Variants in PTPRD observed in about 807,000 individuals in gnomAD.
The protein encoded by PTPRD is receptor-type tyrosine-protein phosphatase delta.
PTPRD carries 34 observed loss-of-function variants against 214.5 expected under a neutral mutation model. The ratio of observed to expected loss-of-function variants is 0.16; its 90% CI spans 0.12 to 0.21. The LOEUF is 0.21. Ranked by LOEUF, PTPRD falls within the 10% of genes least tolerant of loss-of-function variation. The pLI is 1.00. For synonymous variants in PTPRD, 1,128 were observed against 845.7 expected (o/e 1.33, Z -5.79); for missense variants, 2,545 against 2,398.7 (o/e 1.06, Z -1.27).
At chr9:10,476,667 G>C (rs1157265076) in intron 2 of PTPRD, among the ~76,000 whole-genome samples, 1 of 152,024 alleles carries the variant, frequency 6.6e-6, no homozygotes, top group Non-Finnish European at 1.5e-5. Context: ...CCAAAAAATA[G>C]CCCATATAGC....
Position 9,816,684 on chromosome 9 carries a change from G to A in PTPRD, c.-367-49833C>T, listed in dbSNP as rs2048881094. ...TGCGTATTCTGAAGCCTATAAACACGTAGCTTAAACTTTTCTGGGATGCCT... is the reference window on the plus strand; with the variant it reads ...TGCGTATTCTGAAGCCTATAAACACATAGCTTAAACTTTTCTGGGATGCCT... On this transcript the variant is annotated intron_variant, in intron 5 of 45. Transcript: ENST00000381196. Among the ~76,000 whole-genome samples, 3 of 151,954 alleles carry A rather than the reference G, an allele frequency of 2.0e-5. No individual in the cohort carries two copies. The South Asian group carries it at 6.2e-4, about 32-fold the overall frequency.
intron 2 of PTPRD, among the ~76,000 whole-genome samples, chr9:10,595,162 G>C (rs1666895406): frequency 6.6e-6 from 1 of 151,848 alleles, no homozygotes; most frequent in Non-Finnish European, 1.5e-5. Flanking sequence ...TCAAATCAAA[G>C]CATCCATTAA....
At chr9:10,550,075 G>A (rs1346863948) in intron 2 of PTPRD, among the ~76,000 whole-genome samples, 1 of 152,128 alleles carries the variant, frequency 6.6e-6, no homozygotes, top group African/African-American at 2.4e-5. Flanking sequence ...GTGCATCACA[G>A]ATGAAAGAAG....
intron 3 of PTPRD, among the ~76,000 whole-genome samples, chr9:10,279,933 C>T (rs1445757598): frequency 1.3e-5 from 2 of 152,156 alleles, no homozygotes; most frequent in East Asian, 1.9e-4. Flanking sequence ...ACCCTATTCA[C>T]AGTCCTCGTA....
At chr9:8,979,417 C>T (rs7037049) in intron 11 of PTPRD, among the ~76,000 whole-genome samples, 100,461 of 151,338 alleles carry the variant, frequency 0.66, 33,803 homozygotes, top group African/African-American at 0.77. Flanking sequence ...AGTTTCTTCA[C>T]AACAAAGAAA....
chr9:9,169,371 G>T (rs972615516), intron 10 of PTPRD, among the ~76,000 whole-genome samples: 2 of 152,006 alleles, frequency 1.3e-5, no homozygotes, highest in African/African-American at 4.8e-5. Context: ...CATTTTCAAA[G>T]ACCTTTTGAT....
chr9:9,329,100 C>A (rs769731525), intron 9 of PTPRD, among the ~76,000 whole-genome samples: 1 of 152,074 alleles, frequency 6.6e-6, no homozygotes, highest in Non-Finnish European at 1.5e-5. Flanking sequence ...CAGCTATCCT[C>A]TTCCCAAAAC....
chr9:9,530,479 C>T lies in PTPRD; in HGVS notation c.-237+44253G>A, dbSNP rs530929328. Among the ~76,000 whole-genome samples, 15 of 152,154 alleles carry T rather than the reference C, an allele frequency of 9.9e-5. No individual in the cohort carries two copies. In the South Asian group the frequency reaches 3.1e-3, roughly 32 times the overall value. Reference sequence around the variant, plus strand: ...AGAACAGACCAATAACAAGTAATGACATTGAATCAGTAATAAGAAGTCTCC... The same window carrying T: ...AGAACAGACCAATAACAAGTAATGATATTGAATCAGTAATAAGAAGTCTCC... On this transcript the variant is annotated intron_variant, in intron 8 of 45. Transcript: ENST00000381196.
intron 23 of PTPRD, among the ~76,000 whole-genome samples, chr9:8,503,153 C>G (rs1162170957): frequency 6.6e-6 from 1 of 151,806 alleles, no homozygotes; most frequent in Non-Finnish European, 1.5e-5. Context: ...GAGGGAAAAA[C>G]ATAAATTTTA....
intron 3 of PTPRD, among the ~76,000 whole-genome samples, chr9:10,223,613 A>G (rs10756009): frequency 0.68 from 102,736 of 150,072 alleles, 37,234 homozygotes; most frequent in Non-Finnish European, 0.8. Flanking sequence ...GCATTGAGCC[A>G]AGATCACAAT....
At chr9:8,417,070 T>C (rs2093991153) in intron 35 of PTPRD, among the ~76,000 whole-genome samples, 1 of 152,092 alleles carries the variant, frequency 6.6e-6, no homozygotes, top group African/African-American at 2.4e-5. Flanking sequence ...GGAAAATAGA[T>C]TAAACACCAG....
At chr9:8,636,587 T>C (rs953573172) in intron 13 of PTPRD, 112 bp downstream of exon 13, 24 of 1,310,102 alleles carry the variant, frequency 1.8e-5, no homozygotes, top group Non-Finnish European at 2.4e-5. Flanking sequence ...ATGTAAGGAA[T>C]ACCATATATC....
chr9:10,203,120 G>C (rs986244378), intron 3 of PTPRD, among the ~76,000 whole-genome samples: 3 of 151,226 alleles, frequency 2.0e-5, no homozygotes, highest in South Asian at 2.1e-4. Flanking sequence ...TTCAATCCAA[G>C]TGAGTTCCTG....
chr9:9,847,466 T>C (rs1055480973), intron 5 of PTPRD, among the ~76,000 whole-genome samples: 4 of 152,162 alleles, frequency 2.6e-5, no homozygotes, highest in African/African-American at 4.8e-5. Flanking sequence ...TTATGAAATA[T>C]CTACCCAGTT....
intron 7 of PTPRD, among the ~76,000 whole-genome samples, chr9:9,618,256 T>C (rs1045408906): frequency 1.6e-4 from 25 of 151,924 alleles, no homozygotes; most frequent in African/African-American, 5.6e-4. Context: ...CTCTTCATCA[T>C]TATACTAACC....
At chr9:8,556,308 C>T (rs898693090) in intron 14 of PTPRD, among the ~76,000 whole-genome samples, 3 of 152,166 alleles carry the variant, frequency 2.0e-5, no homozygotes, top group Admixed American at 6.5e-5. Flanking sequence ...CACTATGGGT[C>T]AAAGTTGAAA....
At chr9:9,522,630 G>A (rs1370261098) in intron 8 of PTPRD, among the ~76,000 whole-genome samples, 3 of 152,064 alleles carry the variant, frequency 2.0e-5, no homozygotes, top group Non-Finnish European at 4.4e-5. Flanking sequence ...GAAAAACCAT[G>A]CTCTCTGTTG....
chr9:10,075,616 C>A (rs1486149352), intron 3 of PTPRD, among the ~76,000 whole-genome samples: 1 of 151,696 alleles, frequency 6.6e-6, no homozygotes, highest in African/African-American at 2.4e-5. Flanking sequence ...GCATAGAAGG[C>A]ACTCAGTATA....
At chr9:9,707,574 T>C (rs1046729668) in intron 7 of PTPRD, among the ~76,000 whole-genome samples, 1 of 152,168 alleles carries the variant, frequency 6.6e-6, no homozygotes, top group Non-Finnish European at 1.5e-5. Flanking sequence ...TTATCTAGGA[T>C]ACCATCTCTA....
Sources: gnomAD v4.1 joint callset for allele counts (sites outside exome capture counted in the v4.1 genomes callset) on GRCh38, gnomAD v4.1.1 for gene constraint, MANE v1.5 for transcripts, NCBI Gene and HGNC (gene_info 2026-07-23, HGNC 2026-07-21) for gene names.